Variants in NUMB observed in about 807,000 individuals in gnomAD.
NUMB encodes protein numb homolog.
A neutral mutation model predicts 59.7 loss-of-function variants in NUMB; 29 were observed. That is an observed-to-expected ratio of 0.49 (90% CI 0.36 to 0.66). The LOEUF (loss-of-function observed/expected upper bound fraction) is 0.66, where lower values mean the gene tolerates loss of function less well. Ranked by LOEUF, NUMB falls within the 30% of genes least tolerant of loss-of-function variation. NUMB has a pLI of 0.00. For missense variants in NUMB, 723 were observed against 822.0 expected (o/e 0.88, Z 1.47); for synonymous variants, 288 against 288.2 (o/e 1.00, Z 0.01).
At chr14:73,360,219 A>G (rs560692452) in intron 3 of NUMB, among the ~76,000 whole-genome samples, 2 of 152,350 alleles carry the variant, frequency 1.3e-5, no homozygotes, top group African/African-American at 4.8e-5. Flanking sequence ...TGCTTACAAT[A>G]GTATCAGAAC....
chr14:73,394,388 G>A (rs547790304), intron 2 of NUMB, among the ~76,000 whole-genome samples: 1 of 140,830 alleles, frequency 7.1e-6, no homozygotes, highest in South Asian at 2.2e-4. Flanking sequence ...AAGATTTATT[G>A]TCTTTGCAGT....
intron 2 of NUMB, among the ~76,000 whole-genome samples, chr14:73,376,206 TA>T (rs1411383750): frequency 6.6e-6 from 1 of 152,202 alleles, no homozygotes; most frequent in Non-Finnish European, 1.5e-5. Context: ...ATAGCAAGGT[TA>T]CAGGACACAA....
At chr14:73,433,884 G>A (rs925229904) in intron 1 of NUMB, among the ~76,000 whole-genome samples, 2 of 152,148 alleles carry the variant, frequency 1.3e-5, no homozygotes, top group Non-Finnish European at 2.9e-5. Flanking sequence ...GAGGTCAGAA[G>A]TTTGAGACCA....
At chr14:73,350,393 G>A (rs1167149143) in intron 4 of NUMB, among the ~76,000 whole-genome samples, 4 of 151,080 alleles carry the variant, frequency 2.6e-5, no homozygotes, top group East Asian at 3.9e-4. Flanking sequence ...GGCTGGTCTC[G>A]AACTCCTTAC....
intron 6 of NUMB, chr14:73,298,091 G>A (rs891871980): frequency 1.4e-4 from 21 of 152,148 alleles, no homozygotes; most frequent in African/African-American, 4.8e-4. Context: ...GTTTCACCAT[G>A]TTGGCCAGGC....
rs911078521 is a variant in NUMB at position 73,420,062 on chromosome 14, C to T, written c.-232-9994G>A. On this transcript the variant is annotated intron_variant, in intron 1 of 12. Coordinates refer to ENST00000555238, the MANE Select transcript of NUMB (RefSeq NM_001005743.2). ...TGTACCTTTAGTAGAGATGGGGTTT[C>T]GCCATGTTGGCCAAGCTGGTCTTCC... 9.2e-5 allele frequency among the ~76,000 whole-genome samples: 14 copies of T among 152,292 alleles called. No individual in the cohort carries two copies. The South Asian group carries it at 2.5e-3, about 27-fold the overall frequency.
Position 73,276,950 on chromosome 14 carries a change from G to A in NUMB, c.1584C>T (p.Gly528=), listed in dbSNP as rs1888203663. Residue 528 remains glycine, a synonymous_variant, in exon 13 of 13, where the codon GGC becomes GGT. Transcript: ENST00000555238. ...TGGCCACCATCTGGGAGGGAGTGATGCCCACCACAGGCACATTAGGGGCTG... is the reference window on the plus strand; with the variant it reads ...TGGCCACCATCTGGGAGGGAGTGATACCCACCACAGGCACATTAGGGGCTG... ...PYPAPNVPVV[G]ITPSQMVANV... 1.2e-6 allele frequency: 2 copies of A among 1,614,166 alleles called. No individual in the cohort carries two copies. Among genetic ancestry groups the A allele is most frequent in the South Asian group, 1.1e-5 (1 of 91,088 alleles).
At chr14:73,445,353 TCAAAAAAAAAAAAAAA>T (rs1462820354) in intron 1 of NUMB, among the ~76,000 whole-genome samples, 5 of 26,042 alleles carry the variant, frequency 1.9e-4, no homozygotes, top group Admixed American at 5.3e-4. Flanking sequence ...AGACCCTGTC[TCAAAAAAAAAAAAAAA>T]AAAAAAAAAA....
At chr14:73,457,861 A>C (rs1884510272) in intron 1 of NUMB, 1 of 152,478 alleles carries the variant, frequency 6.6e-6, no homozygotes, top group South Asian at 2.1e-4. Flanking sequence ...CGCTTTTCTC[A>C]GGAGGGTCCC....
At chr14:73,372,369 A>ATATATATATATATAACCTTT (rs1894749359) in intron 2 of NUMB, among the ~76,000 whole-genome samples, 1 of 142,350 alleles carries the variant, frequency 7.0e-6, no homozygotes, top group South Asian at 2.1e-4. Context: ...AACCTTTTAT[A>ATATATATATATATAACCTTT]TATATATATA....
chr14:73,363,309 A>G (rs1045708187), intron 3 of NUMB, among the ~76,000 whole-genome samples: 2 of 152,072 alleles, frequency 1.3e-5, no homozygotes, highest in African/African-American at 2.4e-5. Context: ...AAAAGAAGAA[A>G]AAAAAAAGCT....
At chr14:73,354,443 G>A (rs965266129) in intron 4 of NUMB, among the ~76,000 whole-genome samples, 12 of 150,820 alleles carry the variant, frequency 8.0e-5, no homozygotes, top group Non-Finnish European at 1.3e-4. Context: ...CCTAGGAGAC[G>A]GAGGTTGCAG....
rs1594870830 is a variant in NUMB, at chr14:73,292,977, A to T, written c.310-103T>A. ...ATGATGCACAATCCATACATCTGAT[A>T]CAACTAGGCTATGGAATACCTAGAT... is the stretch of plus-strand genomic sequence containing the variant. On this transcript the variant is annotated intron_variant, in intron 7 of 12. Transcript: ENST00000555238. 35 of 1,146,964 alleles carry T rather than the reference A, an allele frequency of 3.1e-5. No homozygotes were observed. The South Asian group carries it at 3.4e-4, about 11-fold the overall frequency. 71.0% of individuals were successfully genotyped at this position (1,146,964 alleles called of 1,614,324 possible). A position where few individuals can be genotyped will look rare whatever the true frequency, so the allele number is the denominator to read the frequency against.
chr14:73,402,313 T>C (rs1397648354), intron 2 of NUMB, among the ~76,000 whole-genome samples: 3 of 152,222 alleles, frequency 2.0e-5, no homozygotes, highest in Admixed American at 6.5e-5. Context: ...AAATGACTGA[T>C]TCCCTATCTG....
rs548643667 is a variant in NUMB at position 73,412,169 on chromosome 14, T to C, written c.-232-2101A>G. On this transcript the variant is annotated intron_variant, in intron 1 of 12. Transcript: ENST00000555238. Reference sequence around the variant, plus strand: ...CCTGGGCTTAAGTAATCCTCCCACCTTGGCCTCTCAAACTGCTGTTTACAG... The same window carrying C: ...CCTGGGCTTAAGTAATCCTCCCACCCTGGCCTCTCAAACTGCTGTTTACAG... Among the ~76,000 whole-genome samples the C allele has an allele frequency of 1.2e-4, 19 of 152,200 alleles. No individual in the cohort carries two copies. In the East Asian group the frequency reaches 3.1e-3, roughly 25 times the overall value.
intron 1 of NUMB, among the ~76,000 whole-genome samples, chr14:73,450,218 G>A (rs996086720): frequency 6.6e-6 from 1 of 152,212 alleles, no homozygotes; most frequent in African/African-American, 2.4e-5. Context: ...CCCTGATGTG[G>A]AGGATAGCAT....
intron 1 of NUMB, among the ~76,000 whole-genome samples, chr14:73,435,260 T>C (rs1898000349): frequency 6.7e-6 from 1 of 148,252 alleles, no homozygotes; most frequent in African/African-American, 2.5e-5. Flanking sequence ...TGGAGAACCA[T>C]TTGGCAATTA....
At chr14:73,347,489 G>C (rs905424905) in intron 4 of NUMB, among the ~76,000 whole-genome samples, 18 of 151,988 alleles carry the variant, frequency 1.2e-4, no homozygotes, top group Admixed American at 5.2e-4. Context: ...TTTCAGACAA[G>C]CTTGAATTAG....
At chr14:73,412,749 C>A (rs1016408194) in intron 1 of NUMB, among the ~76,000 whole-genome samples, 1 of 152,096 alleles carries the variant, frequency 6.6e-6, no homozygotes, top group African/African-American at 2.4e-5. Context: ...TGCCTCTCAG[C>A]CTTTCAAGTA....
Sources: allele counts gnomAD v4.1 joint callset (sites outside exome capture counted in the v4.1 genomes callset), GRCh38; gene constraint gnomAD v4.1.1; transcripts MANE v1.5; gene names NCBI Gene and HGNC (gene_info 2026-07-23, HGNC 2026-07-21).